The following TRPC5 variants were observed in gnomAD, a reference collection of about 807,000 sequenced individuals.
TRPC5 encodes transient receptor potential cation channel subfamily C member 5, also known as short transient receptor potential channel 5.
In TRPC5, 9 loss-of-function variants were observed where a neutral mutation model predicts 56.5. The observed-to-expected ratio is 0.16, with a 90% CI of 0.10 to 0.28. The LOEUF (loss-of-function observed/expected upper bound fraction) is 0.28. TRPC5 is among the 10% of genes least tolerant of loss of function. The pLI is 1.00. For missense variants in TRPC5, 469 were observed against 748.9 expected, an observed-to-expected ratio of 0.63 and a Z score of 4.36; for synonymous variants, 282 against 278.5, an observed-to-expected ratio of 1.01 and a Z score of -0.13.
chrX:111,926,472 C>G (rs749218970), intron 2 of TRPC5, among the ~76,000 whole-genome samples: 1 of 112,065 alleles, frequency 8.9e-6, no homozygotes, highest in Non-Finnish European at 1.9e-5. Flanking sequence ...ATATGACTAC[C>G]TTACGGGGCA....
chrX:112,034,772 G>C (rs1929685970), intron 1 of TRPC5, among the ~76,000 whole-genome samples: 1 of 109,017 alleles, frequency 9.2e-6, no homozygotes, highest in Non-Finnish European at 1.9e-5. Flanking sequence ...ATTCATAGTA[G>C]TTTCTTATAA....
chrX:111,818,015 C>A (rs1244541331), intron 7 of TRPC5, among the ~76,000 whole-genome samples: 1 of 111,432 alleles, frequency 9.0e-6, no homozygotes, highest in Non-Finnish European at 1.9e-5. Context: ...CTCCTGCCAA[C>A]CTTTCTGAGC....
intron 1 of TRPC5, among the ~76,000 whole-genome samples, chrX:112,023,800 G>T (rs1404030840): frequency 9.0e-6 from 1 of 111,390 alleles, no homozygotes; most frequent in Admixed American, 9.6e-5. Context: ...CATGGCTTAT[G>T]GTTCCCTTGC....
chrX:112,000,584 C>T lies in TRPC5; in HGVS notation c.-21-48143G>A, dbSNP rs772555761. On this transcript the variant is annotated intron_variant, in intron 1 of 10. Transcript: ENST00000262839. ...TGGGCATGTCACCAAACCTTTCAGA[C>T]CCCCAGTTTTATACATGGAAATACT... Among the ~76,000 whole-genome samples, 10 of 111,254 alleles carry T rather than the reference C, an allele frequency of 9.0e-5. No individual in the cohort carries two copies. In the South Asian group the frequency reaches 3.8e-3, roughly 42 times the overall value.
chrX:112,011,717 T>C (rs185909265), intron 1 of TRPC5, among the ~76,000 whole-genome samples: 1 of 110,928 alleles, frequency 9.0e-6, no homozygotes. Flanking sequence ...AAAATAGTGG[T>C]GAGTCCGTTC....
chrX:111,988,067 T>C (rs964589511), intron 1 of TRPC5, among the ~76,000 whole-genome samples: 29 of 112,621 alleles, frequency 2.6e-4, no homozygotes, highest in Non-Finnish European at 4.5e-4. Context: ...CAAATAGATA[T>C]TTTTTCTGGA....
chrX:112,038,960 G>A (rs746004962), intron 1 of TRPC5, among the ~76,000 whole-genome samples: 1 of 109,026 alleles, frequency 9.2e-6, no homozygotes, highest in Non-Finnish European at 1.9e-5. Flanking sequence ...AAAGTGCTGG[G>A]ATTACAGGTG....
intron 7 of TRPC5, among the ~76,000 whole-genome samples, chrX:111,805,001 C>T (rs1921452754): frequency 9.0e-6 from 1 of 111,531 alleles, no homozygotes; most frequent in African/African-American, 3.3e-5. Flanking sequence ...ATAAATAGCT[C>T]TTATTATTTT....
At chrX:112,064,932 G>A (rs1055258918) in intron 1 of TRPC5, among the ~76,000 whole-genome samples, 5 of 110,538 alleles carry the variant, frequency 4.5e-5, no homozygotes, top group Non-Finnish European at 7.6e-5. Context: ...AAATTAGCCA[G>A]GCATGGTGGT....
At chrX:112,048,823 GA>G (rs1317324915) in intron 1 of TRPC5, among the ~76,000 whole-genome samples, 2 of 111,751 alleles carry the variant, frequency 1.8e-5, no homozygotes, top group Non-Finnish European at 3.8e-5. Flanking sequence ...CATGAGATTA[GA>G]AAAACAAACA....
chrX:111,797,339 T>A (rs978939568), intron 7 of TRPC5, among the ~76,000 whole-genome samples: 1 of 112,139 alleles, frequency 8.9e-6, no homozygotes, highest in African/African-American at 3.2e-5. Flanking sequence ...AAACTGCACA[T>A]CCCCAAATGA....
At chrX:111,809,861 C>T (rs1921641740) in intron 7 of TRPC5, among the ~76,000 whole-genome samples, 2 of 109,735 alleles carry the variant, frequency 1.8e-5, no homozygotes, top group South Asian at 7.8e-4. Context: ...ACTATGGTCA[C>T]CATGCCGTAG....
chrX:111,856,485 G>GC (rs1437326129), intron 3 of TRPC5, among the ~76,000 whole-genome samples: 3 of 107,207 alleles, frequency 2.8e-5, no homozygotes, highest in African/African-American at 1.0e-4. Context: ...GCTGCAGTGA[G>GC]CAGAGATAGT....
intron 3 of TRPC5, among the ~76,000 whole-genome samples, chrX:111,887,088 C>T (rs1924541134): frequency 8.9e-6 from 1 of 112,409 alleles, no homozygotes; most frequent in Non-Finnish European, 1.9e-5. Flanking sequence ...CAGTTAGTGG[C>T]TTAGATGGTG....
intron 3 of TRPC5, among the ~76,000 whole-genome samples, chrX:111,874,451 T>G (rs137896905): frequency 0.024 from 2,645 of 111,831 alleles, 76 homozygotes; most frequent in African/African-American, 0.083. Context: ...GTAGCTTGAT[T>G]TTAAAGAGAG....
chrX:111,941,896 G>A (rs1284405444), intron 2 of TRPC5, among the ~76,000 whole-genome samples: 1 of 112,147 alleles, frequency 8.9e-6, no homozygotes, highest in East Asian at 2.8e-4. Context: ...GAGGACTGTG[G>A]GACTCTGCTG....
At chrX:111,971,862 T>C (rs1000858683) in intron 1 of TRPC5, among the ~76,000 whole-genome samples, 2 of 111,811 alleles carry the variant, frequency 1.8e-5, no homozygotes, top group Non-Finnish European at 3.8e-5. Flanking sequence ...TTTAATTTAA[T>C]TTCTTTAAGC....
intron 1 of TRPC5, among the ~76,000 whole-genome samples, chrX:112,059,729 G>C (rs1930419760): frequency 8.9e-6 from 1 of 112,075 alleles, no homozygotes; most frequent in Non-Finnish European, 1.9e-5. Context: ...CCAAGTTAGG[G>C]CATCAGCTCT....
chrX:111,875,200 A>G (rs761302188), intron 3 of TRPC5, among the ~76,000 whole-genome samples: 3 of 112,398 alleles, frequency 2.7e-5, no homozygotes, highest in Non-Finnish European at 5.6e-5. Context: ...ACTCTTAAAA[A>G]TGGTAGTTAA....
Sources: gnomAD v4.1 joint callset for allele counts (sites outside exome capture counted in the v4.1 genomes callset) on GRCh38, gnomAD v4.1.1 for gene constraint, MANE v1.5 for transcripts, NCBI Gene and HGNC (gene_info 2026-07-23, HGNC 2026-07-21) for gene names.